UNKL: variants seen among roughly 807,000 people sequenced by gnomAD.
UNKL encodes unk like zinc finger, also known as putative E3 ubiquitin-protein ligase UNKL.
UNKL carries 60 observed loss-of-function variants against 78.0 expected under a neutral mutation model. That is an observed-to-expected ratio of 0.77 (90% CI 0.63 to 0.95). The LOEUF (loss-of-function observed/expected upper bound fraction) is 0.95. UNKL is among the 40% of genes least tolerant of loss of function. The probability of loss-of-function intolerance (pLI) is 0.00; values close to 1 mark genes in which losing one functional copy is unlikely to be tolerated. For synonymous variants in UNKL, 608 were observed against 474.8 expected (o/e 1.28, Z -3.65); for missense variants, 1,159 against 1,045.7 (o/e 1.11, Z -1.49).
intron 14 of UNKL, among the ~76,000 whole-genome samples, chr16:1,366,813 G>T (rs1332073573): frequency 6.6e-6 from 1 of 151,752 alleles, no homozygotes; most frequent in African/African-American, 2.4e-5. Flanking sequence ...TGTGAACAGG[G>T]AGGGATGGGG....
intron 10 of UNKL, among the ~76,000 whole-genome samples, chr16:1,382,578 C>T (rs2036642273): frequency 6.6e-6 from 1 of 152,142 alleles, no homozygotes. Flanking sequence ...GGCAGGTGCA[C>T]AACAGAGCCC....
intron 10 of UNKL, among the ~76,000 whole-genome samples, chr16:1,384,641 C>T: frequency 6.6e-6 from 1 of 152,154 alleles, no homozygotes; most frequent in Admixed American, 6.5e-5. Flanking sequence ...CTCTCTCACC[C>T]AGGCTGGAGT....
intron 2 of UNKL, among the ~76,000 whole-genome samples, chr16:1,405,449 C>T (rs2037709733): frequency 1.3e-5 from 2 of 151,850 alleles, no homozygotes; most frequent in East Asian, 1.9e-4. Context: ...TGATAGCAGG[C>T]GCTTATAATC....
chr16:1,378,158 C>T (rs1321652547), intron 10 of UNKL, among the ~76,000 whole-genome samples: 1 of 152,206 alleles, frequency 6.6e-6, no homozygotes, highest in South Asian at 2.1e-4. Context: ...GAATGCCCCC[C>T]ACTACATCCT....
chr16:1,382,113 G>C (rs2036626453), intron 10 of UNKL, among the ~76,000 whole-genome samples: 1 of 152,234 alleles, frequency 6.6e-6, no homozygotes, highest in South Asian at 2.1e-4. Flanking sequence ...GTACGCCCTA[G>C]TTTCAAACTG....
At chr16:1,405,284 A>G (rs2887537) in intron 2 of UNKL, among the ~76,000 whole-genome samples, 6 of 146,408 alleles carry the variant, frequency 4.1e-5, no homozygotes, top group African/African-American at 1.4e-4. Flanking sequence ...AGGGAGGGAG[A>G]AAGGAAGGAA....
Position 1,366,207 on chromosome 16 carries a change from G to C in UNKL, c.*33C>G. 4 of 1,480,508 alleles carry C rather than the reference G, an allele frequency of 2.7e-6. No individual in the cohort carries two copies. Among genetic ancestry groups the C allele is most frequent in the Non-Finnish European group, 3.6e-6 (4 of 1,106,570 alleles). 91.7% of individuals were successfully genotyped at this position (1,480,508 alleles called of 1,614,324 possible). ...GGTCAGGAGGAGCGCTGGAGCCAGGGTGCCCAGCAGGAGGTGGCTGTCCCC... is the reference window on the plus strand; with the variant it reads ...GGTCAGGAGGAGCGCTGGAGCCAGGCTGCCCAGCAGGAGGTGGCTGTCCCC... On this transcript the variant is annotated 3_prime_UTR_variant, in exon 15 of 15. Transcript: ENST00000389221.
At chr16:1,380,970 C>T (rs560430124) in intron 10 of UNKL, among the ~76,000 whole-genome samples, 10 of 152,232 alleles carry the variant, frequency 6.6e-5, no homozygotes, top group Admixed American at 1.3e-4. Context: ...CCACTGCTCA[C>T]GGCTCAGGAA....
intron 4 of UNKL, 38 bp downstream of exon 4, chr16:1,401,530 C>G (rs768674554): frequency 1.3e-6 from 2 of 1,481,770 alleles, no homozygotes; most frequent in South Asian, 1.3e-5. Context: ...TGTGCCCGCC[C>G]CCCCCACCAC....
rs565044984 is a variant in UNKL, at chr16:1,372,067, T to C, written c.1265-456A>G. Among the ~76,000 whole-genome samples the C allele has an allele frequency of 2.2e-4, 33 of 149,038 alleles. 1 individual carries two copies. In the South Asian group the frequency reaches 3.2e-3, roughly 15 times the overall value. On this transcript the variant is annotated intron_variant, in intron 10 of 14. Coordinates refer to ENST00000389221, the MANE Select transcript of UNKL (RefSeq NM_001372107.1). ...GTCAGGAGATCGAGACCATCCTGGC[T>C]AACACGGTGAAACCCCGTCTCAACC... is the stretch of plus-strand genomic sequence containing the variant.
At chr16:1,372,391 G>A (rs1007670385) in intron 10 of UNKL, among the ~76,000 whole-genome samples, 1 of 152,190 alleles carries the variant, frequency 6.6e-6, no homozygotes. Context: ...TGAGTGGGAA[G>A]GACCCGCCTC....
At chr16:1,377,157 G>A (rs373302485) in intron 10 of UNKL, among the ~76,000 whole-genome samples, 1 of 152,040 alleles carries the variant, frequency 6.6e-6, no homozygotes, top group African/African-American at 2.4e-5. Context: ...TGAGCAGCTG[G>A]GACTACAGGT....
At chr16:1,401,441 G>A in intron 4 of UNKL, 127 bp downstream of exon 4, 15 of 1,241,490 alleles carry the variant, frequency 1.2e-5, no homozygotes, top group African/African-American at 4.8e-5. Flanking sequence ...GACTCCACGA[G>A]CCTCGGTTTC....
intron 6 of UNKL, 98 bp downstream of exon 6, chr16:1,397,080 A>T: frequency 3.0e-6 from 4 of 1,336,906 alleles, no homozygotes; most frequent in Non-Finnish European, 4.1e-6. Context: ...GGCCAAAGTT[A>T]ATCACTGTTC....
intron 5 of UNKL, chr16:1,398,681 A>AGGGCCCCCCCCCC: frequency 1.4e-6 from 1 of 694,492 alleles, no homozygotes; most frequent in Non-Finnish European, 1.9e-6. Flanking sequence ...TGGGGTCTGC[A>AGGGCCCCCCCCCC]CCCCCCCACC....
chr16:1,367,400 C>A, intron 13 of UNKL, 51 bp from the exon 14 acceptor site: 1 of 1,500,794 alleles, frequency 6.7e-7, no homozygotes, highest in Admixed American at 2.0e-5. Context: ...GTGCCACCTG[C>A]AGACCCTCTT....
intron 8 of UNKL, among the ~76,000 whole-genome samples, 190 bp from the exon 9 acceptor site, chr16:1,390,884 G>A (rs1157453635): frequency 6.6e-6 from 1 of 152,046 alleles, no homozygotes; most frequent in East Asian, 1.9e-4. Context: ...ACAAAAAATA[G>A]CCAGGCGTGG....
chr16:1,397,723 GC>G, intron 5 of UNKL, among the ~76,000 whole-genome samples: 2 of 32,442 alleles, frequency 6.2e-5, no homozygotes, highest in South Asian at 2.2e-3. Context: ...CTGGGGCAGG[GC>G]ATGGACCTGG....
rs1039992026 is a variant in UNKL, at chr16:1,370,263, C to T, written c.1452G>A (p.Ser484=). 35 of 1,533,842 alleles carry T rather than the reference C, an allele frequency of 2.3e-5. No individual in the cohort carries two copies. Among genetic ancestry groups the T allele is most frequent in the Middle Eastern group, 1.8e-4 (1 of 5,650 alleles). ...SLHSPSSAST[S]PLGSLSQPLP... is the part of the protein sequence containing the mutation. ...GGGGCTGGGACAGCGAACCGAGCGGCGAGGTGGACGCAGAGGATGGCGAGT... is the reference window on the plus strand; with the variant it reads ...GGGGCTGGGACAGCGAACCGAGCGGTGAGGTGGACGCAGAGGATGGCGAGT... The change falls in exon 12 of 15, where the codon TCG becomes TCA. Residue 484 remains serine (S), a synonymous_variant. Transcript: ENST00000389221.
Sources: gnomAD v4.1 joint callset for allele counts (sites outside exome capture counted in the v4.1 genomes callset) on GRCh38, gnomAD v4.1.1 for gene constraint, MANE v1.5 for transcripts, NCBI Gene and HGNC (gene_info 2026-07-23, HGNC 2026-07-21) for gene names.